Variants in IQSEC1 observed in about 807,000 individuals in gnomAD.
IQSEC1 encodes the protein IQ motif and SEC7 domain-containing protein 1.
IQSEC1 carries 31 observed loss-of-function variants against 91.0 expected under a neutral mutation model. That is an observed-to-expected ratio of 0.34 (90% CI 0.26 to 0.46). The LOEUF is 0.46. Among genes scored for constraint, IQSEC1 ranks in the 20% least tolerant of loss-of-function variants. IQSEC1 has a pLI of 1.00. For missense variants in IQSEC1, 1,388 were observed against 1,575.6 expected (o/e 0.88, Z 2.02); for synonymous variants, 699 against 662.6 (o/e 1.05, Z -0.84).
chr3:13,269,663 G>C (rs1391726358), intron 1 of IQSEC1, among the ~76,000 whole-genome samples: 1 of 152,240 alleles, frequency 6.6e-6, no homozygotes, highest in African/African-American at 2.4e-5. Flanking sequence ...GGCCAGCTCA[G>C]CAGGGGCAGG....
intron 2 of IQSEC1, among the ~76,000 whole-genome samples, chr3:13,149,979 C>T (rs2124957204): frequency 6.6e-6 from 1 of 152,286 alleles, no homozygotes; most frequent in Non-Finnish European, 1.5e-5. Flanking sequence ...TCCCTAGGCT[C>T]CCGGGAACGG....
At chr3:12,953,913 T>C (rs567649813) in intron 1 of IQSEC1, among the ~76,000 whole-genome samples, 7 of 152,316 alleles carry the variant, frequency 4.6e-5, no homozygotes, top group African/African-American at 1.7e-4. Flanking sequence ...AGTGAGAGTG[T>C]TCCAGGAAGC....
chr3:12,953,109 G>T (rs543287806), intron 1 of IQSEC1, among the ~76,000 whole-genome samples: 2 of 152,346 alleles, frequency 1.3e-5, no homozygotes, highest in East Asian at 3.9e-4. Flanking sequence ...GCCAGGGACA[G>T]TTTCAGGAAG....
upstream of IQSEC1, among the ~76,000 whole-genome samples, chr3:13,073,659 C>T (rs938546381): frequency 1.3e-5 from 2 of 152,250 alleles, no homozygotes; most frequent in Admixed American, 6.5e-5. Flanking sequence ...CTAAAATGCA[C>T]GCGCCGCGCG....
At chr3:13,134,771 G>T (rs1301109671) in intron 2 of IQSEC1, among the ~76,000 whole-genome samples, 1 of 152,166 alleles carries the variant, frequency 6.6e-6, no homozygotes, top group South Asian at 2.1e-4. Flanking sequence ...GCTACAGCTT[G>T]CAAGAGAGAA....
At chr3:12,991,187 C>G (rs148383694) in intron 1 of IQSEC1, among the ~76,000 whole-genome samples, 1 of 152,118 alleles carries the variant, frequency 6.6e-6, no homozygotes, top group Non-Finnish European at 1.5e-5. Flanking sequence ...ATGGTATCCC[C>G]GCGGGGAAGA....
At chr3:12,925,516 C>T (rs572738076) in intron 3 of IQSEC1, among the ~76,000 whole-genome samples, 29 of 152,286 alleles carry the variant, frequency 1.9e-4, no homozygotes, top group Admixed American at 7.8e-4. Flanking sequence ...CAGTAAGCAC[C>T]GTAAGAGGTT....
At chr3:13,240,540 G>A (rs910854424) in intron 1 of IQSEC1, among the ~76,000 whole-genome samples, 4 of 152,156 alleles carry the variant, frequency 2.6e-5, no homozygotes, top group African/African-American at 9.7e-5. Flanking sequence ...AATGGCAAGG[G>A]AGCCTGGCAA....
Position 13,211,782 on chromosome 3 carries a change from C to G in IQSEC1, c.273-47649G>C, listed in dbSNP as rs1694453081. Reference sequence around the variant, plus strand: ...TCCTGGAAGGCCCTCTCTCCCTGCCCCCATCCTGGCAGATGAAATCCCTAA... The same window carrying G: ...TCCTGGAAGGCCCTCTCTCCCTGCCGCCATCCTGGCAGATGAAATCCCTAA... On this transcript the variant is annotated intron_variant, in intron 1 of 15. Transcript: ENST00000648114. The surrounding 1 kb of genome is among the most constrained non-coding windows in gnomAD (Gnocchi z 5.3). Among the ~76,000 whole-genome samples the G allele has an allele frequency of 2.0e-5, 3 of 152,192 alleles. No individual in the cohort carries two copies. The South Asian group carries it at 6.2e-4, about 32-fold the overall frequency.
intron 2 of IQSEC1, among the ~76,000 whole-genome samples, chr3:13,162,450 G>A (rs1228581208): frequency 1.3e-5 from 2 of 152,150 alleles, no homozygotes; most frequent in African/African-American, 4.8e-5. Flanking sequence ...TCCCTAACCT[G>A]TTGTTTTGAA....
chr3:13,013,276 C>T (rs944781192), intron 1 of IQSEC1, among the ~76,000 whole-genome samples: 1 of 152,218 alleles, frequency 6.6e-6, no homozygotes, highest in Non-Finnish European at 1.5e-5. Context: ...CTGATAGCCA[C>T]TTCAATGCTC....
rs546602951 is a variant in IQSEC1 at position 12,907,446 on chromosome 3, C to T, written c.2755+903G>A. ...GACCTGCGTGGGACAAGCTGGGCCA[C>T]TGCAGCCCCAGGCAGTCCCCGGGGC... On this transcript the variant is annotated intron_variant, in intron 12 of 13. Coordinates refer to ENST00000613206, the MANE Select transcript of IQSEC1 (RefSeq NM_001134382.3). Among the ~76,000 whole-genome samples the T allele has an allele frequency of 1.1e-3, 173 of 152,316 alleles. 1 individual carries two copies. Among genetic ancestry groups the T allele is most frequent in the African/African-American group, 3.9e-3 (164 of 41,564 alleles).
intron 1 of IQSEC1, among the ~76,000 whole-genome samples, chr3:13,191,056 C>T (rs242519): frequency 0.58 from 88,959 of 152,096 alleles, 26,470 homozygotes; most frequent in Non-Finnish European, 0.61. Flanking sequence ...GGACATACCC[C>T]GGTTCAGCAT....
At chr3:13,172,105 C>T (rs1197501501) in intron 1 of IQSEC1, among the ~76,000 whole-genome samples, 2 of 152,204 alleles carry the variant, frequency 1.3e-5, no homozygotes, top group African/African-American at 4.8e-5. Context: ...CTGCAGAAGC[C>T]GTGTCTACGG....
intron 1 of IQSEC1, among the ~76,000 whole-genome samples, chr3:13,203,188 C>T (rs1214946952): frequency 1.3e-5 from 2 of 152,024 alleles, no homozygotes; most frequent in South Asian, 2.1e-4. Context: ...CACACACACA[C>T]ACACACTCTT....
chr3:13,211,071 T>C lies in IQSEC1; in HGVS notation c.273-46938A>G, dbSNP rs1694435515. Among the ~76,000 whole-genome samples, 1 of 152,200 alleles carries C rather than the reference T, an allele frequency of 6.6e-6. No individual in the cohort carries two copies. The highest frequency in any genetic ancestry group is 6.5e-5 in the Admixed American group (1 of 15,288). On this transcript the variant is annotated intron_variant, in intron 1 of 15. Transcript: ENST00000648114. This position sits in a 1 kb window ranked among gnomAD's most constrained non-coding sequence, Gnocchi z 5.3. Reference sequence around the variant, plus strand: ...GTATGCTGTTCCCTGATGCATCCTCTGGCTAGCAGTGCCTGACACACAGTA... The same window carrying C: ...GTATGCTGTTCCCTGATGCATCCTCCGGCTAGCAGTGCCTGACACACAGTA...
intron 1 of IQSEC1, among the ~76,000 whole-genome samples, chr3:13,172,113 C>T (rs542592150): frequency 2.6e-5 from 4 of 152,330 alleles, no homozygotes; most frequent in South Asian, 2.1e-4. Context: ...GCCGTGTCTA[C>T]GGGCAGGACT....
intron 2 of IQSEC1, among the ~76,000 whole-genome samples, chr3:13,137,402 T>C (rs115071187): frequency 0.026 from 3,997 of 152,250 alleles, 72 homozygotes; most frequent in Non-Finnish European, 0.039. Context: ...TTAGAAACAA[T>C]ACAATGTTAG....
intron 1 of IQSEC1, among the ~76,000 whole-genome samples, chr3:12,993,458 G>A (rs906483348): frequency 1.3e-5 from 2 of 151,996 alleles, no homozygotes; most frequent in Non-Finnish European, 2.9e-5. Flanking sequence ...GGCAGCAGCG[G>A]TGGTGGAGGC....
Sources: gnomAD v4.1 joint callset for allele counts (sites outside exome capture counted in the v4.1 genomes callset) on GRCh38, gnomAD v4.1.1 for gene constraint, Gnocchi (gnomAD v3.1) non-coding constraint, MANE v1.5 for transcripts, NCBI Gene and HGNC (gene_info 2026-07-23, HGNC 2026-07-21) for gene names.